The following CXADR variants were observed in gnomAD, a reference collection of about 807,000 sequenced individuals.
CXADR encodes the protein CXADR cell adhesion molecule.
A neutral mutation model predicts 40.3 loss-of-function variants in CXADR; 20 were observed. The observed-to-expected ratio is 0.50, with a 90% CI of 0.35 to 0.72. The LOEUF is 0.72. CXADR is among the 30% of genes least tolerant of loss of function. CXADR has a pLI of 0.01. For missense variants in CXADR, 332 were observed against 449.1 expected, an observed-to-expected ratio of 0.74 and a Z score of 2.36; for synonymous variants, 150 against 161.3, an observed-to-expected ratio of 0.93 and a Z score of 0.53.
chr21:17,552,801 GAAAT>G (rs1051386488), intron 3 of CXADR, among the ~76,000 whole-genome samples: 11 of 152,156 alleles, frequency 7.2e-5, no homozygotes, highest in African/African-American at 2.7e-4. Flanking sequence ...AGCATGACTG[GAAAT>G]AACTGATCAG....
At chr21:17,523,049 A>G (rs77169459) in intron 1 of CXADR, among the ~76,000 whole-genome samples, 5,465 of 152,266 alleles carry the variant, frequency 0.036, 134 homozygotes, top group Non-Finnish European at 0.056. Context: ...CACTACCTGT[A>G]ATCTAGGTTA....
the CXADR span, among the ~76,000 whole-genome samples, chr21:17,629,216 C>T: frequency 6.6e-6 from 1 of 151,694 alleles, no homozygotes; most frequent in African/African-American, 2.4e-5. Flanking sequence ...CCCATTTCTA[C>T]TAAAAATACA....
chr21:17,624,607 A>G, the CXADR span, among the ~76,000 whole-genome samples: 1 of 152,106 alleles, frequency 6.6e-6, no homozygotes, highest in Non-Finnish European at 1.5e-5. Flanking sequence ...ATGTGACTCT[A>G]TTGGACCCAC....
At chr21:17,626,734 G>C in the CXADR span, among the ~76,000 whole-genome samples, 1 of 152,162 alleles carries the variant, frequency 6.6e-6, no homozygotes, top group African/African-American at 2.4e-5. Flanking sequence ...GGGTGTTAAG[G>C]CTGGCTTCAT....
chr21:17,525,841 C>G (rs1262464711), intron 1 of CXADR, among the ~76,000 whole-genome samples: 4 of 152,152 alleles, frequency 2.6e-5, no homozygotes, highest in Non-Finnish European at 5.9e-5. Flanking sequence ...TCCTAAAGCC[C>G]AGGCAATTGT....
In CXADR at chr21:17,565,481, G is replaced by A; in HGVS notation, c.887G>A (p.Gly296Asp). Residue 296 changes from glycine (G) to aspartate (D), a missense_variant, in exon 7 of 7, where the codon GGC (glycine) becomes GAC (aspartate). Gly to Asp is a moderately conservative substitution (Grantham distance 94). Transcript: ENST00000284878. ...SRTSTARSYIGSNHSSLGSMS... is the reference protein window; with the variant it reads ...SRTSTARSYIDSNHSSLGSMS... ...ACGTCCACTGCCAGAAGCTACATCG[G>A]CAGTAATCATTCATCCCTGGGGTCC... The A allele has an allele frequency of 6.2e-7, 1 of 1,613,930 alleles. No individual in the cohort carries two copies. Among genetic ancestry groups the A allele is most frequent in the Non-Finnish European group, 8.5e-7 (1 of 1,179,862 alleles).
At chr21:17,605,713 G>A in the CXADR span, among the ~76,000 whole-genome samples, 1 of 151,910 alleles carries the variant, frequency 6.6e-6, no homozygotes, top group African/African-American at 2.4e-5. Flanking sequence ...TCTACCTAAT[G>A]GAATGTTTAA....
At chr21:17,515,542 T>A (rs1308535534) in intron 1 of CXADR, among the ~76,000 whole-genome samples, 1 of 152,034 alleles carries the variant, frequency 6.6e-6, no homozygotes, top group Non-Finnish European at 1.5e-5. Context: ...CCGGGCGCGG[T>A]GGCTCACGCC....
intron 1 of CXADR, among the ~76,000 whole-genome samples, chr21:17,519,334 T>A (rs1437501048): frequency 6.6e-6 from 1 of 152,264 alleles, no homozygotes; most frequent in Non-Finnish European, 1.5e-5. Flanking sequence ...TCAACTTCTT[T>A]GCCACTAGGC....
At chr21:17,541,432 C>T (rs1218029014) in intron 1 of CXADR, among the ~76,000 whole-genome samples, 1 of 152,050 alleles carries the variant, frequency 6.6e-6, no homozygotes, top group Non-Finnish European at 1.5e-5. Context: ...TGGTGGGCAC[C>T]TGTAGTCCCA....
At chr21:17,621,033 A>T in the CXADR span, among the ~76,000 whole-genome samples, 1 of 152,202 alleles carries the variant, frequency 6.6e-6, no homozygotes, top group Non-Finnish European at 1.5e-5. Flanking sequence ...TTTGCTCTTA[A>T]AATGTTCAAA....
chr21:17,561,519 A>G, intron 6 of CXADR, 43 bp downstream of exon 6: 1 of 1,525,984 alleles, frequency 6.6e-7, no homozygotes, highest in East Asian at 2.3e-5. Context: ...TACCAAATAT[A>G]TGTCATTTCT....
chr21:17,559,926 A>G lies in CXADR; in HGVS notation c.572-776A>G, dbSNP rs1159865550. Among the ~76,000 whole-genome samples the G allele has an allele frequency of 2.0e-5, 3 of 150,108 alleles. No homozygotes were observed. The East Asian group carries it at 5.9e-4, about 30-fold the overall frequency. On this transcript the variant is annotated intron_variant, in intron 4 of 6. Transcript: ENST00000284878. Reference sequence around the variant, plus strand: ...ACTCCTGGGCTCAAGCTCTCCACCCACCTCAGCCTCCCAAAGTATAGGTGT... The same window carrying G: ...ACTCCTGGGCTCAAGCTCTCCACCCGCCTCAGCCTCCCAAAGTATAGGTGT...
the CXADR span, chr21:17,612,927 G>C: frequency 6.6e-6 from 1 of 151,968 alleles, no homozygotes. Context: ...GCGGCGCGCA[G>C]GGGGCTCGCG....
intron 1 of CXADR, chr21:17,527,096 G>A (rs1438172386): frequency 1.3e-5 from 2 of 152,144 alleles, no homozygotes; most frequent in Non-Finnish European, 2.9e-5. Flanking sequence ...GAGAATATGA[G>A]GAAGGTAATA....
At chr21:17,534,618 A>C (rs570947216) in intron 1 of CXADR, among the ~76,000 whole-genome samples, 60 of 152,228 alleles carry the variant, frequency 3.9e-4, no homozygotes, top group African/African-American at 1.4e-3. Context: ...TTTTGTATAG[A>C]GTTTAGAGTA....
chr21:17,586,703 A>G (rs767533087), intron 7 of CXADR, among the ~76,000 whole-genome samples: 5 of 152,078 alleles, frequency 3.3e-5, no homozygotes, highest in Non-Finnish European at 7.4e-5. Flanking sequence ...ATAGCCAAAT[A>G]CCTATTAATT....
the CXADR span, chr21:17,608,707 T>G: frequency 1.7e-5 from 6 of 357,652 alleles, no homozygotes; most frequent in Non-Finnish European, 3.0e-5. Flanking sequence ...AGAAATGCAC[T>G]GTTAGGAGCC....
chr21:17,573,177 G>A (rs1016054970), downstream of CXADR, among the ~76,000 whole-genome samples: 7 of 151,260 alleles, frequency 4.6e-5, no homozygotes, highest in South Asian at 1.2e-3. Flanking sequence ...GTCTACCACC[G>A]TGTGTACATT....
Sources: allele counts gnomAD v4.1 joint callset (sites outside exome capture counted in the v4.1 genomes callset), GRCh38; gene constraint gnomAD v4.1.1; transcripts MANE v1.5; gene names NCBI Gene and HGNC (gene_info 2026-07-23, HGNC 2026-07-21).